The following MED24 variants were observed in gnomAD, a reference collection of about 807,000 sequenced individuals.
MED24 encodes mediator complex subunit 24.
Under a neutral mutation model 118.8 loss-of-function variants are expected in MED24, and 74 were observed. The ratio of observed to expected loss-of-function variants is 0.62; its 90% CI spans 0.52 to 0.76. The LOEUF (loss-of-function observed/expected upper bound fraction) is 0.76. Among genes scored for constraint, MED24 ranks in the 30% least tolerant of loss-of-function variants. The pLI is 0.00. For missense variants in MED24, 1,041 were observed against 1,278.9 expected, an observed-to-expected ratio of 0.81 and a Z score of 2.84; for synonymous variants, 521 against 523.9, an observed-to-expected ratio of 0.99 and a Z score of 0.08.
chr17:40,026,838 G>A lies in MED24; in HGVS notation c.1709+18C>T, dbSNP rs985217134. 1.2e-6 allele frequency: 2 copies of A among 1,611,258 alleles called. No individual in the cohort carries two copies. The highest frequency in any genetic ancestry group is 1.7e-6 in the Non-Finnish European group (2 of 1,177,964). On this transcript the variant is annotated intron_variant, in intron 17 of 25. Transcript: ENST00000394128. Reference sequence around the variant, plus strand: ...TGCCCCCACCGCCACCCTTGGAGTGGGCGCCCGGGCCACTGACACTAGCTT... The same window carrying A: ...TGCCCCCACCGCCACCCTTGGAGTGAGCGCCCGGGCCACTGACACTAGCTT...
intron 4 of MED24, 138 bp from the exon 5 acceptor site, chr17:40,035,933 A>G: frequency 9.3e-7 from 1 of 1,076,788 alleles, no homozygotes; most frequent in Non-Finnish European, 1.4e-6. Flanking sequence ...TCAACACTGG[A>G]CATTGGCTCC....
Position 40,026,694 on chromosome 17 carries a change from T to A in MED24, c.1762A>T (p.Ile588Phe). The stretch of plus-strand genomic sequence containing the variant: ...ACCCCATTCTCCCAGGCATTGAGGA[T>A]TTCCAAGATGGCGGCTGAGATGCTG... ...CLSISAAILE[I>F]LNAWENGVLA... is the part of the protein sequence containing the mutation. The change falls in exon 18 of 26, where the codon ATC (isoleucine) becomes TTC (phenylalanine). Residue 588 changes from isoleucine to phenylalanine, a missense_variant. This residue lies in a region of MED24 where 587 missense variants were observed against 694.4 expected (regional missense o/e 0.85). Transcript: ENST00000394128. 1.2e-6 allele frequency: 2 copies of A among 1,612,600 alleles called. No homozygotes were observed. Among genetic ancestry groups the A allele is most frequent in the South Asian group, 2.2e-5 (2 of 90,628 alleles).
At chr17:40,020,479 G>A (rs1390916779) in intron 23 of MED24, 126 bp from the exon 24 acceptor site, 2 of 1,541,294 alleles carry the variant, frequency 1.3e-6, no homozygotes. Flanking sequence ...GCCCAGAGAA[G>A]ACCCTGAGAT....
chr17:40,053,960 G>A, intron 1 of MED24: 1 of 436,374 alleles, frequency 2.3e-6, no homozygotes, highest in South Asian at 3.1e-5. Context: ...GAGAAACCTC[G>A]TCTCCACTAA....
Position 40,019,341 on chromosome 17 carries a change from T to G in MED24, c.*188A>C. 1.7e-6 allele frequency: 1 copy of G among 593,660 alleles called. No individual in the cohort carries two copies. Among genetic ancestry groups the G allele is most frequent in the Non-Finnish European group, 3.0e-6 (1 of 338,094 alleles). The allele number at this position is 593,660 out of a possible 1,614,324, so 36.8% of individuals were successfully genotyped here. ...GGTGCCAGCAGATGGAGAGGAAATT[T>G]TGAAAGAAGAAACCGGGAGACATCC... On this transcript the variant is annotated 3_prime_UTR_variant, in exon 26 of 26. Transcript: ENST00000394128.
At chr17:40,025,768 G>C (rs1220551455) in intron 19 of MED24, among the ~76,000 whole-genome samples, 1 of 152,200 alleles carries the variant, frequency 6.6e-6, no homozygotes, top group East Asian at 1.9e-4. Context: ...CCAAGCCCCT[G>C]AAGAGCCAGG....
intron 3 of MED24, among the ~76,000 whole-genome samples, chr17:40,043,855 C>T (rs567609038): frequency 1.4e-3 from 196 of 138,028 alleles, no homozygotes; most frequent in South Asian, 4.6e-3. Context: ...ACTGCCACTG[C>T]AGTCCGGCCT....
chr17:40,024,360 C>A (rs547590440), intron 19 of MED24, among the ~76,000 whole-genome samples: 5 of 152,016 alleles, frequency 3.3e-5, no homozygotes, highest in Admixed American at 3.3e-4. Context: ...ATGGTGAAAC[C>A]CCATCTCTAC....
In MED24 at chr17:40,019,886, C is replaced by T. The variant is rs1401470649; in HGVS notation, c.2752G>A (p.Gly918Ser). Residue 918 changes from glycine (G) to serine (S), a missense_variant, in exon 25 of 26, where the codon GGC becomes AGC. Gly to Ser is a moderately conservative substitution (Grantham distance 56). Coordinates refer to ENST00000394128, the MANE Select transcript of MED24 (RefSeq NM_014815.4). ...ISSILGSRTA[G>S]PHTQFVQWFM... ...CACTGCACGAACTGGGTGTGGGGGC[C>T]AGCGGTGCGAGACCCCAGGATGGAG... is the stretch of plus-strand genomic sequence containing the variant. 6.3e-7 allele frequency: 1 copy of T among 1,579,834 alleles called. No homozygotes were observed. The highest frequency in any genetic ancestry group is 8.6e-7 in the Non-Finnish European group (1 of 1,162,146).
In MED24 at chr17:40,026,871, G is replaced by T. The variant is rs1343593892; in HGVS notation, c.1694C>A (p.Ser565Ter). The part of the protein sequence containing the change: ...ESLVALLNNS[S>*]EMKLVQMKWH... ...GGCCACTGACACTAGCTTCATCTCC[G>T]AGGAGTTGTTGAGCAGGGCCACCAG... The change falls in exon 17 of 26, where the codon TCG (serine) becomes TAG (stop). Residue 565 changes from serine to a stop codon, truncating the protein, a stop_gained. Transcript: ENST00000394128. LOFTEE classifies it high-confidence loss of function. 1.2e-6 allele frequency: 2 copies of T among 1,613,214 alleles called. No homozygotes were observed. Among genetic ancestry groups the T allele is most frequent in the Non-Finnish European group, 1.7e-6 (2 of 1,179,474 alleles).
At chr17:40,029,115 C>G in intron 13 of MED24, 147 bp from the exon 14 acceptor site, 1 of 1,055,126 alleles carries the variant, frequency 9.5e-7, no homozygotes, top group Non-Finnish European at 1.4e-6. Context: ...CTAAAACCCA[C>G]CCCTGCTCTC....
chr17:40,019,213 T>G lies in MED24; in HGVS notation c.*316A>C. On this transcript the variant is annotated 3_prime_UTR_variant, in exon 26 of 26. Transcript: ENST00000394128. ...ACACACACACACACACATACACACT[T>G]TGCATCTAGAAAGTTCCTCAGAGGT... The G allele has an allele frequency of 9.0e-6, 3 of 332,988 alleles. No homozygotes were observed. Among genetic ancestry groups the G allele is most frequent in the Non-Finnish European group, 1.1e-5 (2 of 180,758 alleles). 20.6% of individuals were successfully genotyped at this position (332,988 alleles called of 1,614,324 possible). A position where few individuals can be genotyped will look rare whatever the true frequency, so the allele number is the denominator to read the frequency against.
rs1282914080 is a variant in MED24 at position 40,022,421 on chromosome 17, C to T, written c.2496G>A (p.Gln832=). The T allele has an allele frequency of 1.2e-6, 2 of 1,610,750 alleles. No individual in the cohort carries two copies. The highest frequency in any genetic ancestry group is 1.7e-6 in the Non-Finnish European group (2 of 1,178,756). ...CAATGTCTTCGCGGTGTCTCTTCTT[C>T]TGGCGGGTGGACGCCTGTCCCTTGT... ...SSHKGQASTR[Q]KKRHREDIED... Residue 832 remains glutamine (Q), a synonymous_variant, in exon 22 of 26, where the codon CAG becomes CAA. Coordinates refer to ENST00000394128, the MANE Select transcript of MED24 (RefSeq NM_014815.4).
chr17:40,022,359 C>G (rs758098673), intron 22 of MED24, 35 bp downstream of exon 22: 2 of 1,571,960 alleles, frequency 1.3e-6, no homozygotes, highest in Non-Finnish European at 1.7e-6. Flanking sequence ...AACCGGTGAA[C>G]AAGTGAAGCC....
At chr17:40,042,792 G>A (rs975600892) in intron 3 of MED24, among the ~76,000 whole-genome samples, 1 of 152,144 alleles carries the variant, frequency 6.6e-6, no homozygotes, top group Non-Finnish European at 1.5e-5. Flanking sequence ...ATTCAATAAA[G>A]ACAGTTGAGC....
intron 19 of MED24, among the ~76,000 whole-genome samples, chr17:40,024,954 T>A (rs1424846202): frequency 1.3e-5 from 2 of 152,170 alleles, no homozygotes; most frequent in African/African-American, 4.8e-5. Flanking sequence ...CAGGCTGGCC[T>A]TAAACTCCTG....
intron 3 of MED24, among the ~76,000 whole-genome samples, chr17:40,051,910 C>T (rs547563081): frequency 3.4e-5 from 5 of 149,080 alleles, no homozygotes; most frequent in East Asian, 2.1e-4. Flanking sequence ...GCAACAGGAG[C>T]GAAATCCCAT....
intron 3 of MED24, among the ~76,000 whole-genome samples, chr17:40,047,857 G>A (rs1985413735): frequency 6.6e-6 from 1 of 151,954 alleles, no homozygotes; most frequent in Non-Finnish European, 1.5e-5. Context: ...AGCCTCCTGA[G>A]TAGCTGGGAT....
At chr17:40,041,503 A>G (rs1020464717) in intron 3 of MED24, among the ~76,000 whole-genome samples, 20 of 152,204 alleles carry the variant, frequency 1.3e-4, no homozygotes, top group African/African-American at 4.3e-4. Flanking sequence ...CAAAAGCTCC[A>G]GTCTAGAACT....
Sources: gnomAD v4.1 joint callset for allele counts (sites outside exome capture counted in the v4.1 genomes callset) on GRCh38, gnomAD v4.1.1 for gene constraint, gnomAD v4.1.1 regional missense constraint, MANE v1.5 for transcripts, NCBI Gene and HGNC (gene_info 2026-07-23, HGNC 2026-07-21) for gene names.